IFT140: variants seen among roughly 807,000 people sequenced by gnomAD.
The protein encoded by IFT140 is intraflagellar transport 140.
Under a neutral mutation model 164.6 loss-of-function variants are expected in IFT140, and 133 were observed. The observed-to-expected ratio is 0.81, with a 90% CI of 0.70 to 0.93. IFT140 has a LOEUF of 0.93. Among genes scored for constraint, IFT140 ranks in the 40% least tolerant of loss-of-function variants. The pLI, the probability that IFT140 is intolerant of heterozygous loss-of-function variation, is 0.00. For missense variants in IFT140, 2,045 were observed against 1,972.3 expected, an observed-to-expected ratio of 1.04 and a Z score of -0.70; for synonymous variants, 860 against 817.3, an observed-to-expected ratio of 1.05 and a Z score of -0.89.
chr16:1,542,254 AG>A (rs1403753533), intron 19 of IFT140, among the ~76,000 whole-genome samples: 1 of 152,248 alleles, frequency 6.6e-6, no homozygotes, highest in African/African-American at 2.4e-5. Context: ...GCTGTAGGCA[AG>A]AATGATGAAA....
intron 19 of IFT140, chr16:1,534,090 G>C (rs1167296993): frequency 1.2e-5 from 8 of 682,374 alleles, no homozygotes; most frequent in African/African-American, 7.5e-5. Context: ...CCAGGTGCAG[G>C]AAGGAGGATA....
intron 9 of IFT140, 113 bp downstream of exon 9, chr16:1,587,085 A>AC: frequency 1.4e-6 from 1 of 731,770 alleles, no homozygotes; most frequent in Non-Finnish European, 2.4e-6. Flanking sequence ...GCTGTGAGTT[A>AC]CCAAGTTACC....
intron 27 of IFT140, 43 bp downstream of exon 27, chr16:1,520,559 C>A (rs1435517070): frequency 1.3e-6 from 2 of 1,527,218 alleles, no homozygotes. Context: ...CGCAGCCTAA[C>A]TGCCTGTGAG....
In IFT140 at chr16:1,564,906, C is replaced by A. The variant is rs893480447; in HGVS notation, c.1902-744G>T. Among the ~76,000 whole-genome samples, 2 of 152,200 alleles carry A rather than the reference C, an allele frequency of 1.3e-5. No homozygotes were observed. The highest frequency in any genetic ancestry group is 2.9e-5 in the Non-Finnish European group (2 of 68,042). On this transcript the variant is annotated intron_variant, in intron 16 of 30. Coordinates refer to ENST00000426508, the MANE Select transcript of IFT140 (RefSeq NM_014714.4). The surrounding 1 kb of genome is among the most constrained non-coding windows in gnomAD (Gnocchi z 5.5). ...AGCAATGGAGGTGCCCTCACAGCCA[C>A]GTTCGGCACCAGTGCAGAGCAGAGC...
chr16:1,518,012 C>T, intron 30 of IFT140: 1 of 474,138 alleles, frequency 2.1e-6, no homozygotes, highest in Middle Eastern at 6.0e-4. Flanking sequence ...TAATTTTTCC[C>T]CTTTTTGTAG....
chr16:1,555,042 G>T, intron 19 of IFT140: 1 of 1,599,270 alleles, frequency 6.3e-7, no homozygotes. Flanking sequence ...CCTTCTCAGC[G>T]CTCCATCAAC....
intron 19 of IFT140, among the ~76,000 whole-genome samples, chr16:1,536,819 C>T (rs899857606): frequency 1.3e-5 from 2 of 152,204 alleles, no homozygotes; most frequent in Non-Finnish European, 2.9e-5. Context: ...TGCTCTCCCA[C>T]GGGGTGGCCC....
At chr16:1,545,627 A>T (rs2032106270) in intron 19 of IFT140, among the ~76,000 whole-genome samples, 1 of 152,176 alleles carries the variant, frequency 6.6e-6, no homozygotes, top group Admixed American at 6.5e-5. Context: ...ATGCAAGTGA[A>T]CCTCGATCCC....
rs756952939 is a variant in IFT140 at position 1,587,283 on chromosome 16, T to C, written c.924A>G (p.Gly308=). 1.1e-5 allele frequency: 17 copies of C among 1,611,526 alleles called. No homozygotes were observed. The highest frequency in any genetic ancestry group is 7.7e-5 in the South Asian group (7 of 91,034). ...AALRFWDIER[G]ENYILSPDEK... is the part of the protein sequence containing the mutation. ...CATCTGGACTCAGTATATAATTCTC[T>C]CCTCGTTCTATGTCCCAGAATCTAC... The change falls in exon 9 of 31, where the codon GGA becomes GGG. Residue 308 remains glycine, a synonymous_variant. Transcript: ENST00000426508.
chr16:1,550,066 T>C (rs1216203532), intron 19 of IFT140, among the ~76,000 whole-genome samples: 1 of 152,152 alleles, frequency 6.6e-6, no homozygotes, highest in Non-Finnish European at 1.5e-5. Flanking sequence ...GCCTCCTGAA[T>C]AGCTGAGGCT....
chr16:1,537,248 C>T (rs2031168305), intron 19 of IFT140, among the ~76,000 whole-genome samples: 1 of 152,250 alleles, frequency 6.6e-6, no homozygotes. Context: ...AACGCCACAC[C>T]GCGTGCCTCC....
chr16:1,597,046 G>A (rs979396823), intron 4 of IFT140, among the ~76,000 whole-genome samples: 10 of 152,182 alleles, frequency 6.6e-5, no homozygotes, highest in South Asian at 4.1e-4. Context: ...CTGGATGAGC[G>A]TCTTGGGGGT....
rs375097975 is a variant in IFT140, at chr16:1,511,185, T to C, written c.4183-35A>G. 1.9e-3 allele frequency: 2,910 copies of C among 1,565,748 alleles called. 8 individuals are homozygous for C. The highest frequency in any genetic ancestry group is 2.5e-3 in the Admixed American group (132 of 52,950). ...AGGAGCAGACATTACTCAGCTTTCC[T>C]GAACAACCAGGCACGACCCTCTGCC... On this transcript the variant is annotated intron_variant, in intron 30 of 30. Coordinates refer to ENST00000426508, the MANE Select transcript of IFT140 (RefSeq NM_014714.4).
chr16:1,591,983 C>A lies in IFT140; in HGVS notation c.634+193G>T, dbSNP rs554850198. Reference sequence around the variant, plus strand: ...CTTGTCTATCAGAACAAAGCGAGGGCAACATTTCAACACTGGATGGATGGC... The same window carrying A: ...CTTGTCTATCAGAACAAAGCGAGGGAAACATTTCAACACTGGATGGATGGC... On this transcript the variant is annotated intron_variant, in intron 6 of 30. Transcript: ENST00000426508. Among the ~76,000 whole-genome samples the A allele has an allele frequency of 7.2e-5, 11 of 152,366 alleles. No homozygotes were observed. In the South Asian group the frequency reaches 2.3e-3, roughly 32 times the overall value.
chr16:1,514,369 C>CAAATAAATAAATAAAT (rs544738443), intron 30 of IFT140: 94 of 151,900 alleles, frequency 6.2e-4, no homozygotes, highest in African/African-American at 2.0e-3. Flanking sequence ...CACTCCATCT[C>CAAATAAATAAATAAAT]AAATAAATAA....
At chr16:1,534,032 T>C in intron 19 of IFT140, 1 of 530,384 alleles carries the variant, frequency 1.9e-6, no homozygotes, top group East Asian at 3.5e-5. Context: ...CTCTGCTCCC[T>C]GGGATGGGCC....
chr16:1,516,559 G>A (rs1166727044), intron 30 of IFT140, among the ~76,000 whole-genome samples: 1 of 151,844 alleles, frequency 6.6e-6, no homozygotes, highest in Non-Finnish European at 1.5e-5. Flanking sequence ...CATGAGGTCA[G>A]GAGATCGAGA....
intron 19 of IFT140, among the ~76,000 whole-genome samples, chr16:1,545,807 GCT>G (rs2032120319): frequency 6.6e-6 from 1 of 152,234 alleles, no homozygotes; most frequent in Non-Finnish European, 1.5e-5. Context: ...CTGTGCTTTT[GCT>G]CTCGCTCCAT....
At chr16:1,604,398 G>A (rs979470197) in intron 3 of IFT140, 9 of 152,090 alleles carry the variant, frequency 5.9e-5, no homozygotes, top group African/African-American at 1.9e-4. Flanking sequence ...ATGGATGAAG[G>A]AGTGTCTTCT....
Sources: allele counts gnomAD v4.1 joint callset (sites outside exome capture counted in the v4.1 genomes callset), GRCh38; gene constraint gnomAD v4.1.1; non-coding constraint Gnocchi (gnomAD v3.1); transcripts MANE v1.5; gene names NCBI Gene and HGNC (gene_info 2026-07-23, HGNC 2026-07-21).